MTCH2: variants seen among roughly 807,000 people sequenced by gnomAD.
The protein encoded by MTCH2 is mitochondrial carrier 2, also known as mitochondrial carrier homolog 2.
Under a neutral mutation model 50.6 loss-of-function variants are expected in MTCH2, and 25 were observed. The observed-to-expected ratio is 0.49, with a 90% CI of 0.36 to 0.69. The LOEUF (loss-of-function observed/expected upper bound fraction) is 0.69. Ranked by LOEUF, MTCH2 falls within the 30% of genes least tolerant of loss-of-function variation. MTCH2 has a pLI of 0.00. For missense variants in MTCH2, 273 were observed against 384.4 expected (o/e 0.71, Z 2.42); for synonymous variants, 106 against 132.0 (o/e 0.80, Z 1.35).
At position 47,619,389 on chromosome 11, in the gene MTCH2, G is replaced by A. The variant is rs547778439; in HGVS notation, c.826-470C>T. 1.4e-3 allele frequency among the ~76,000 whole-genome samples: 214 copies of A among 152,068 alleles called. 2 individuals carry two copies. The highest frequency in any genetic ancestry group is 1.6e-3 in the Non-Finnish European group (108 of 67,962). On this transcript the variant is annotated intron_variant, in intron 12 of 12. Coordinates refer to ENST00000302503, the MANE Select transcript of MTCH2 (RefSeq NM_014342.4). Reference sequence around the variant, plus strand: ...GTAGCTGGGAAAGGAACGCGCCACCGTGCCTGGCTAATTTTTGTACTTTTA... The same window carrying A: ...GTAGCTGGGAAAGGAACGCGCCACCATGCCTGGCTAATTTTTGTACTTTTA...
downstream of MTCH2, among the ~76,000 whole-genome samples, chr11:47,614,074 A>AAAAC (rs60286227): frequency 0.27 from 40,537 of 151,352 alleles, 6,615 homozygotes; most frequent in Middle Eastern, 0.36. Flanking sequence ...CCTTGTCTCA[A>AAAAC]AAACAAACAA....
intron 6 of MTCH2, 108 bp from the exon 7 acceptor site, chr11:47,631,195 G>A (rs986759387): frequency 2.4e-6 from 2 of 824,468 alleles, no homozygotes; most frequent in African/African-American, 1.7e-5. Flanking sequence ...GATCACCTGA[G>A]GTCAGGAGTT....
At chr11:47,631,192 T>A in intron 6 of MTCH2, 105 bp from the exon 7 acceptor site, 1 of 856,012 alleles carries the variant, frequency 1.2e-6, no homozygotes, top group Non-Finnish European at 1.9e-6. Flanking sequence ...GCGGATCACC[T>A]GAGGTCAGGA....
chr11:47,629,523 G>C (rs1035592616), intron 8 of MTCH2, among the ~76,000 whole-genome samples: 1 of 152,132 alleles, frequency 6.6e-6, no homozygotes, highest in African/African-American at 2.4e-5. Flanking sequence ...GGGTCTGGGT[G>C]ACCTAGGTGA....
downstream of MTCH2, among the ~76,000 whole-genome samples, chr11:47,613,384 G>T (rs2097286636): frequency 6.6e-6 from 1 of 152,100 alleles, no homozygotes. Flanking sequence ...TGCCAAAATA[G>T]AAACTACCAT....
chr11:47,635,444 A>C, intron 4 of MTCH2, 101 bp downstream of exon 4: 1 of 1,308,036 alleles, frequency 7.6e-7, no homozygotes, highest in Admixed American at 1.8e-5. Context: ...ACTGAGATGA[A>C]TAGGAGACTG....
chr11:47,638,715 T>A lies in MTCH2; in HGVS notation c.263A>T (p.His88Leu), dbSNP rs2097311131. The change falls in exon 3 of 13, where the codon CAT becomes CTT. Residue 88 changes from histidine to leucine, a missense_variant. His to Leu is a moderately conservative substitution (Grantham distance 99). This residue lies in a region of MTCH2 where 203 missense variants were observed against 244.3 expected (regional missense o/e 0.83). Transcript: ENST00000302503. ...TCCTCTTACCTGTAAAACTTTACCA[T>A]GGACCACAGTTCCAAGGACTCCCGA... ...LCSGVLGTVVHGKVLQHYQES... is the reference protein window; with the variant it reads ...LCSGVLGTVVLGKVLQHYQES... 1 of 1,614,036 alleles carries A rather than the reference T, an allele frequency of 6.2e-7. No individual in the cohort carries two copies. Among genetic ancestry groups the A allele is most frequent in the African/African-American group, 1.3e-5 (1 of 74,964 alleles).
chr11:47,617,794 G>A lies in MTCH2; in HGVS notation c.*1039C>T, dbSNP rs1020843312. On this transcript the variant is annotated 3_prime_UTR_variant, in exon 13 of 13. Transcript: ENST00000302503. ...ACATGCTTAACTGAGGGTATGGCAT[G>A]TGAGGTGGTCAGTGTCCTAAGACCC... is the stretch of plus-strand genomic sequence containing the variant. The A allele has an allele frequency of 6.6e-6, 1 of 152,196 alleles. No individual in the cohort carries two copies. The highest frequency in any genetic ancestry group is 1.5e-5 in the Non-Finnish European group (1 of 68,042). The allele number at this position is 152,196 out of a possible 1,614,324, so 9.4% of individuals were successfully genotyped here.
At chr11:47,629,367 T>C in intron 8 of MTCH2, 1 of 269,260 alleles carries the variant, frequency 3.7e-6, no homozygotes, top group Non-Finnish European at 7.4e-6. Flanking sequence ...GACTTAAATA[T>C]TGTTTTGCTT....
intron 1 of MTCH2, among the ~76,000 whole-genome samples, chr11:47,639,459 C>A (rs1201792721): frequency 6.6e-6 from 1 of 152,206 alleles, no homozygotes; most frequent in East Asian, 1.9e-4. Context: ...TATTTGGCAA[C>A]CCAGACAAAA....
intron 2 of MTCH2, 77 bp downstream of exon 2, chr11:47,638,890 T>C (rs1017043429): frequency 2.2e-4 from 347 of 1,576,912 alleles, no homozygotes; most frequent in Non-Finnish European, 2.9e-4. Flanking sequence ...GCTTTCTATA[T>C]ATTTTCTTTC....
chr11:47,627,022 GAAAAC>G (rs2097298823), intron 10 of MTCH2, 53 bp downstream of exon 10: 4 of 1,356,266 alleles, frequency 2.9e-6, no homozygotes, highest in Non-Finnish European at 3.1e-6. Flanking sequence ...GATTTAAAAG[GAAAAC>G]AAAACAAAAC....
intron 5 of MTCH2, among the ~76,000 whole-genome samples, chr11:47,634,120 G>C (rs1389025390): frequency 6.6e-6 from 1 of 152,160 alleles, no homozygotes; most frequent in East Asian, 1.9e-4. Flanking sequence ...CTATCACACA[G>C]GCTGGAGTAT....
chr11:47,613,267 A>G (rs2097286583), downstream of MTCH2, among the ~76,000 whole-genome samples: 1 of 152,194 alleles, frequency 6.6e-6, no homozygotes, highest in Non-Finnish European at 1.5e-5. Flanking sequence ...GATTACAGGC[A>G]TAAGCTACTG....
chr11:47,635,505 A>T (rs1435638826), intron 4 of MTCH2, 40 bp downstream of exon 4: 1 of 1,607,210 alleles, frequency 6.2e-7, no homozygotes, highest in Non-Finnish European at 8.5e-7. Flanking sequence ...ACAACTTGCA[A>T]GGGAAAGGCC....
At chr11:47,629,716 T>A (rs919645617) in intron 8 of MTCH2, among the ~76,000 whole-genome samples, 1 of 151,144 alleles carries the variant, frequency 6.6e-6, no homozygotes, top group African/African-American at 2.4e-5. Flanking sequence ...GTATTTATGA[T>A]ATTCAAAATC....
intron 10 of MTCH2, among the ~76,000 whole-genome samples, chr11:47,626,047 G>C (rs1322829091): frequency 6.6e-6 from 1 of 150,720 alleles, no homozygotes; most frequent in African/African-American, 2.4e-5. Context: ...TTTCCCTCTT[G>C]TTGCCCACGC....
At chr11:47,633,847 G>T (rs1182577280) in intron 5 of MTCH2, among the ~76,000 whole-genome samples, 1 of 151,652 alleles carries the variant, frequency 6.6e-6, no homozygotes, top group African/African-American at 2.4e-5. Flanking sequence ...TTTGGAATAT[G>T]TATTTTGGAT....
chr11:47,635,378 C>G (rs2097307604), intron 4 of MTCH2, among the ~76,000 whole-genome samples, 167 bp downstream of exon 4: 1 of 152,152 alleles, frequency 6.6e-6, no homozygotes, highest in African/African-American at 2.4e-5. Flanking sequence ...CCCAGCCATC[C>G]TGATGGTTTC....
Sources: gnomAD v4.1 joint callset for allele counts (sites outside exome capture counted in the v4.1 genomes callset) on GRCh38, gnomAD v4.1.1 for gene constraint, gnomAD v4.1.1 regional missense constraint, MANE v1.5 for transcripts, NCBI Gene and HGNC (gene_info 2026-07-23, HGNC 2026-07-21) for gene names.